The following TNNI3K variants were observed in gnomAD, a reference collection of about 807,000 sequenced individuals.
The protein encoded by TNNI3K is TNNI3 interacting kinase.
A neutral mutation model predicts 114.5 loss-of-function variants in TNNI3K; 140 were observed. The observed-to-expected ratio is 1.22, with a 90% confidence interval of 1.07 to 1.41. The LOEUF (loss-of-function observed/expected upper bound fraction) is 1.41, where lower values mean the gene tolerates loss of function less well. Among genes scored for constraint, TNNI3K ranks in the 40% most tolerant of loss-of-function variants. TNNI3K has a pLI of 0.00. For synonymous variants in TNNI3K, 347 were observed against 347.5 expected, an observed-to-expected ratio of 1.00 and a Z score of 0.02; for missense variants, 1,125 against 1,007.6, an observed-to-expected ratio of 1.12 and a Z score of -1.58.
In TNNI3K at chr1:74,353,289, T is replaced by C. The variant is rs1661477309; in HGVS notation, c.956T>C (p.Ile319Thr). ...FHSACTYGKSIDLVKFLLDQN... is the reference protein window; with the variant it reads ...FHSACTYGKSTDLVKFLLDQN... ...AGTGCTTGTACCTATGGCAAGAGCA[T>C]TGACCTAGTCAAATTTCTTCTTGAT... The change falls in exon 10 of 25, where the codon ATT (isoleucine) becomes ACT (threonine). Residue 319 changes from isoleucine to threonine, a missense_variant. By Grantham distance (89) the Ile-to-Thr change is moderately conservative. Transcript: ENST00000326637. 1 of 1,613,904 alleles carries C rather than the reference T, an allele frequency of 6.2e-7. No individual in the cohort carries two copies. Among genetic ancestry groups the C allele is most frequent in the Non-Finnish European group, 8.5e-7 (1 of 1,179,922 alleles).
chr1:74,486,537 G>A (rs1428805685), intron 21 of TNNI3K, among the ~76,000 whole-genome samples: 1 of 142,744 alleles, frequency 7.0e-6, no homozygotes, highest in African/African-American at 2.6e-5. Flanking sequence ...GCAAGCAGAA[G>A]GATGGAGTTT....
chr1:74,501,850 G>C (rs939462339), intron 23 of TNNI3K, among the ~76,000 whole-genome samples: 1 of 151,952 alleles, frequency 6.6e-6, no homozygotes, highest in Non-Finnish European at 1.5e-5. Context: ...TTGTATGTGG[G>C]CTGGCAGATG....
intron 23 of TNNI3K, among the ~76,000 whole-genome samples, chr1:74,506,107 A>C (rs1028752108): frequency 6.6e-6 from 1 of 152,226 alleles, no homozygotes; most frequent in East Asian, 1.9e-4. Flanking sequence ...TATGATGTAG[A>C]TAATATTGCC....
At chr1:74,437,537 T>C (rs1237211205) in intron 19 of TNNI3K, among the ~76,000 whole-genome samples, 1 of 150,978 alleles carries the variant, frequency 6.6e-6, no homozygotes, top group African/African-American at 2.4e-5. Flanking sequence ...GACATGGGAG[T>C]AATCTACATG....
intron 21 of TNNI3K, among the ~76,000 whole-genome samples, chr1:74,479,041 G>T (rs771580606): frequency 6.6e-6 from 1 of 152,132 alleles, no homozygotes; most frequent in Non-Finnish European, 1.5e-5. Flanking sequence ...TTGTCAGGAA[G>T]TAAAAATACA....
intron 20 of TNNI3K, among the ~76,000 whole-genome samples, chr1:74,450,380 G>C (rs4650265): frequency 0.077 from 11,700 of 151,890 alleles, 478 homozygotes; most frequent in African/African-American, 0.11. Context: ...TCAAAAGCTA[G>C]CAGAAGGCAA....
intron 23 of TNNI3K, among the ~76,000 whole-genome samples, chr1:74,526,057 A>T (rs1557627765): frequency 6.6e-6 from 1 of 152,262 alleles, no homozygotes; most frequent in Non-Finnish European, 1.5e-5. Flanking sequence ...AAACAAAACA[A>T]AAAAAACAGT....
At chr1:74,239,569 A>G (rs1228286499) in intron 2 of TNNI3K, among the ~76,000 whole-genome samples, 1 of 152,144 alleles carries the variant, frequency 6.6e-6, no homozygotes, top group Non-Finnish European at 1.5e-5. Context: ...ACTGTATACA[A>G]TGCCCAAAAA....
intron 17 of TNNI3K, chr1:74,418,049 T>C (rs1665215666): frequency 1.2e-5 from 4 of 330,694 alleles, no homozygotes; most frequent in South Asian, 6.8e-5. Context: ...TTTATTTCAA[T>C]TAAAACATCA....
At chr1:74,448,829 G>T (rs1409257833) in intron 20 of TNNI3K, among the ~76,000 whole-genome samples, 61 of 69,624 alleles carry the variant, frequency 8.8e-4, no homozygotes, top group Non-Finnish European at 1.4e-3. Context: ...GATCATGGTG[G>T]ATAAGCTTTT....
chr1:74,404,820 C>A (rs1664538162), intron 17 of TNNI3K, among the ~76,000 whole-genome samples: 1 of 152,158 alleles, frequency 6.6e-6, no homozygotes. Flanking sequence ...TAAGTAAACT[C>A]CTGGTTATGA....
chr1:74,239,980 A>G (rs574537997), intron 2 of TNNI3K: 2 of 470,514 alleles, frequency 4.3e-6, no homozygotes, highest in East Asian at 6.9e-5. Context: ...ACAGGAAGAA[A>G]TGAAGAAAAA....
Position 74,293,654 on chromosome 1 carries a change from C to T in TNNI3K, c.444+21946C>T, listed in dbSNP as rs116006118. Among the ~76,000 whole-genome samples the T allele has an allele frequency of 7.6e-3, 1,159 of 151,638 alleles. 5 individuals are homozygous for T. The highest frequency in any genetic ancestry group is 0.014 in the Middle Eastern group (4 of 292). ...GGAATGATTCGATTGCAAATAGATT[C>T]TTCTGTCCTTAGTTTTCTATTTCTT... On this transcript the variant is annotated intron_variant, in intron 5 of 24. Transcript: ENST00000326637.
chr1:74,384,240 G>A (rs1336922487), intron 17 of TNNI3K, among the ~76,000 whole-genome samples: 1 of 152,070 alleles, frequency 6.6e-6, no homozygotes, highest in African/African-American at 2.4e-5. Context: ...CAATTAACAC[G>A]CTATTCCACA....
At chr1:74,401,463 A>C (rs537874394) in intron 17 of TNNI3K, among the ~76,000 whole-genome samples, 10 of 152,256 alleles carry the variant, frequency 6.6e-5, no homozygotes, top group Non-Finnish European at 1.5e-4. Context: ...TGCATTTTGT[A>C]ACAAAAAAGA....
chr1:74,335,973 G>A, intron 6 of TNNI3K, 38 bp from the exon 7 acceptor site: 1 of 1,529,046 alleles, frequency 6.5e-7, no homozygotes, highest in Non-Finnish European at 8.7e-7. Context: ...ATTATTGTTT[G>A]AATTTTTATA....
chr1:74,258,878 G>C (rs1235565211), intron 4 of TNNI3K, among the ~76,000 whole-genome samples: 1 of 152,076 alleles, frequency 6.6e-6, no homozygotes, highest in Non-Finnish European at 1.5e-5. Flanking sequence ...ATTTAAATTG[G>C]TACATCTAGG....
chr1:74,330,392 A>T (rs115247501), intron 5 of TNNI3K, among the ~76,000 whole-genome samples: 1 of 152,132 alleles, frequency 6.6e-6, no homozygotes, highest in African/African-American at 2.4e-5. Context: ...GAATCTATAT[A>T]AGAAACTTTG....
intron 17 of TNNI3K, among the ~76,000 whole-genome samples, chr1:74,402,618 C>T (rs1020413978): frequency 2.6e-4 from 39 of 152,144 alleles, no homozygotes; most frequent in African/African-American, 9.2e-4. Context: ...TTTTGTTAAA[C>T]TTTTTTGGTA....
Sources: allele counts gnomAD v4.1 joint callset (sites outside exome capture counted in the v4.1 genomes callset), GRCh38; gene constraint gnomAD v4.1.1; transcripts MANE v1.5; gene names NCBI Gene and HGNC (gene_info 2026-07-23, HGNC 2026-07-21).